The following ARMH4 variants were observed in gnomAD, a reference collection of about 807,000 sequenced individuals.
The protein encoded by ARMH4 is armadillo like helical domain containing 4.
In ARMH4, 49 loss-of-function variants were observed where a neutral mutation model predicts 61.9. That is an observed-to-expected ratio of 0.79 (90% CI 0.63 to 1.00). The LOEUF is 1.00. Ranked by LOEUF, ARMH4 falls within the 50% of genes least tolerant of loss-of-function variation. The pLI is 0.00. For synonymous variants in ARMH4, 368 were observed against 341.5 expected (o/e 1.08, Z -0.85); for missense variants, 934 against 930.0 (o/e 1.00, Z -0.06).
At chr14:58,009,331 C>T (rs1285986008) in intron 6 of ARMH4, among the ~76,000 whole-genome samples, 2 of 152,082 alleles carry the variant, frequency 1.3e-5, no homozygotes, top group Non-Finnish European at 1.5e-5. Context: ...TGTCATTAGC[C>T]TCCCCCTTTT....
chr14:58,120,255 C>A (rs1886680101), intron 4 of ARMH4, among the ~76,000 whole-genome samples: 1 of 151,988 alleles, frequency 6.6e-6, no homozygotes, highest in Non-Finnish European at 1.5e-5. Flanking sequence ...CATATGGGAC[C>A]ACTATCATAT....
chr14:58,020,764 C>A (rs1349245583), intron 5 of ARMH4, among the ~76,000 whole-genome samples: 3 of 152,210 alleles, frequency 2.0e-5, no homozygotes. Flanking sequence ...TGGCAGAAAT[C>A]TTAGGGTGAA....
chr14:58,053,426 GC>G (rs1884213375), intron 5 of ARMH4, among the ~76,000 whole-genome samples: 1 of 152,098 alleles, frequency 6.6e-6, no homozygotes, highest in African/African-American at 2.4e-5. Context: ...CTTCCTGCTG[GC>G]TCCAGGCACA....
intron 1 of ARMH4, among the ~76,000 whole-genome samples, chr14:58,139,872 T>C (rs1364140337): frequency 8.5e-5 from 13 of 152,166 alleles, no homozygotes; most frequent in Admixed American, 8.5e-4. Flanking sequence ...AATTCATGTG[T>C]TGAAACCTAA....
At chr14:58,022,327 G>A (rs554706940) in intron 5 of ARMH4, among the ~76,000 whole-genome samples, 8 of 152,166 alleles carry the variant, frequency 5.3e-5, no homozygotes, top group South Asian at 2.1e-4. Flanking sequence ...CAGAAAGACC[G>A]TTGTGATAAT....
chr14:58,136,164 A>T (rs1467504986), intron 2 of ARMH4, among the ~76,000 whole-genome samples: 4 of 152,222 alleles, frequency 2.6e-5, no homozygotes, highest in Admixed American at 1.3e-4. Context: ...AATTAAAAGT[A>T]GTGGCCTTTT....
At chr14:58,132,792 G>A (rs2139961360) in intron 3 of ARMH4, among the ~76,000 whole-genome samples, 1 of 151,914 alleles carries the variant, frequency 6.6e-6, no homozygotes, top group South Asian at 2.1e-4. Flanking sequence ...TCACCACGTT[G>A]GCCAGGATGG....
chr14:58,032,767 T>TTGAC (rs1883300022), intron 5 of ARMH4, among the ~76,000 whole-genome samples: 3 of 152,026 alleles, frequency 2.0e-5, no homozygotes, highest in Admixed American at 1.3e-4. Flanking sequence ...GGAGTTCCCT[T>TTGAC]TCCGAGTCAA....
At position 58,075,846 on chromosome 14, in the gene ARMH4, C is replaced by T. The variant is rs577115255; in HGVS notation, c.2089+20878G>A. Among the ~76,000 whole-genome samples, 105 of 152,270 alleles carry T rather than the reference C, an allele frequency of 6.9e-4. 1 individual carries two copies. Among genetic ancestry groups the T allele is most frequent in the African/African-American group, 2.4e-3 (101 of 41,570 alleles). ...TCTTGGCTCTGCCATTTACTGAAAA[C>T]ATTACCTTGAGCTTTAATTTGTTCA... On this transcript the variant is annotated intron_variant, in intron 5 of 7. Coordinates refer to ENST00000267485, the MANE Select transcript of ARMH4 (RefSeq NM_001001872.4).
chr14:58,064,035 T>G (rs1313609712), intron 5 of ARMH4, among the ~76,000 whole-genome samples: 1 of 152,156 alleles, frequency 6.6e-6, no homozygotes, highest in South Asian at 2.1e-4. Flanking sequence ...ACGCACACTT[T>G]TAACAAAGAT....
chr14:58,141,640 C>G lies in ARMH4; in HGVS notation c.-56-2226G>C. On this transcript the variant is annotated intron_variant, in intron 1 of 7. Coordinates refer to ENST00000267485, the MANE Select transcript of ARMH4 (RefSeq NM_001001872.4). ...GAAGAAATGCGGCCACACCAACAACCTGTACCCCAGGAAGAAGGTCAAATA... is the reference window on the plus strand; with the variant it reads ...GAAGAAATGCGGCCACACCAACAACGTGTACCCCAGGAAGAAGGTCAAATA... 3 of 418,284 alleles carry G rather than the reference C, an allele frequency of 7.2e-6. No individual in the cohort carries two copies. In the Admixed American group the frequency reaches 9.1e-5, roughly 13 times the overall value. The allele number at this position is 418,284 out of a possible 1,614,324, so 25.9% of individuals were successfully genotyped here.
intron 5 of ARMH4, among the ~76,000 whole-genome samples, chr14:58,090,906 A>T (rs1199343678): frequency 5.0e-4 from 74 of 149,210 alleles, no homozygotes; most frequent in African/African-American, 1.4e-3. Flanking sequence ...GAAAGAAAAG[A>T]AAAGAAAAAA....
chr14:58,139,545 G>C, intron 1 of ARMH4, 131 bp from the exon 2 acceptor site: 1 of 613,002 alleles, frequency 1.6e-6, no homozygotes, highest in Non-Finnish European at 2.8e-6. Flanking sequence ...GGAGAGGACT[G>C]TTCTATTTCT....
intron 5 of ARMH4, among the ~76,000 whole-genome samples, chr14:58,049,328 T>TA (rs768708819): frequency 4.6e-5 from 7 of 152,170 alleles, no homozygotes; most frequent in Admixed American, 3.9e-4. Flanking sequence ...TTCTGAAGTA[T>TA]AAAAAATGTC....
chr14:58,042,128 G>C (rs183779653), intron 5 of ARMH4, among the ~76,000 whole-genome samples: 3 of 151,710 alleles, frequency 2.0e-5, no homozygotes, highest in Non-Finnish European at 4.4e-5. Context: ...TCCACCCCAA[G>C]TCAACAGAAT....
chr14:58,042,606 G>C (rs1217136160), intron 5 of ARMH4, among the ~76,000 whole-genome samples: 2 of 152,054 alleles, frequency 1.3e-5, no homozygotes, highest in African/African-American at 2.4e-5. Flanking sequence ...GATCAGAGCA[G>C]AACTGAAGGA....
chr14:58,048,254 T>A (rs577974658), intron 5 of ARMH4, among the ~76,000 whole-genome samples: 19 of 152,348 alleles, frequency 1.2e-4, no homozygotes, highest in African/African-American at 4.6e-4. Flanking sequence ...TCTTTTATCT[T>A]CTCATCTGCC....
intron 5 of ARMH4, among the ~76,000 whole-genome samples, chr14:58,082,431 A>C (rs1885258083): frequency 1.3e-5 from 2 of 152,192 alleles, no homozygotes; most frequent in South Asian, 2.1e-4. Flanking sequence ...CTATCCTATG[A>C]GTGAATAATT....
intron 5 of ARMH4, among the ~76,000 whole-genome samples, chr14:58,093,898 G>C (rs1424745182): frequency 6.6e-6 from 1 of 151,990 alleles, no homozygotes; most frequent in Non-Finnish European, 1.5e-5. Flanking sequence ...AGAAAAAGAA[G>C]CAACAGCAGA....
Sources: allele counts gnomAD v4.1 joint callset (sites outside exome capture counted in the v4.1 genomes callset), GRCh38; gene constraint gnomAD v4.1.1; transcripts MANE v1.5; gene names NCBI Gene and HGNC (gene_info 2026-07-23, HGNC 2026-07-21).